Variants in PABPC4L observed in about 807,000 individuals in gnomAD.
PABPC4L encodes polyadenylate-binding protein 4-like.
For synonymous variants in PABPC4L, 169 were observed against 164.1 expected (o/e 1.03, Z -0.23); for missense variants, 452 against 451.4 (o/e 1.00, Z -0.01).
chr4:134,178,857 T>G, the PABPC4L span, among the ~76,000 whole-genome samples: 2 of 151,810 alleles, frequency 1.3e-5, no homozygotes, highest in African/African-American at 4.8e-5. Flanking sequence ...GAAAAAACAA[T>G]AAAGACTGAA....
At chr4:133,992,116 A>G in the PABPC4L span, among the ~76,000 whole-genome samples, 252 of 152,268 alleles carry the variant, frequency 1.7e-3, 1 homozygote, top group African/African-American at 5.1e-3. Context: ...CCATCCCCCC[A>G]TTGGCCCAAA....
rs1460783631 is a variant in PABPC4L at position 134,198,201 on chromosome 4, A to T, written c.*1706T>A. The stretch of plus-strand genomic sequence containing the variant: ...ATTGTTTAAGAAAGCAATTTCAAAC[A>T]ACATTTGTAATATTATCCTATTTTT... On this transcript the variant is annotated 3_prime_UTR_variant, in exon 2 of 2. Transcript: ENST00000421491. 6.6e-6 allele frequency: 1 copy of T among 151,756 alleles called. No individual in the cohort carries two copies. Among genetic ancestry groups the T allele is most frequent in the African/African-American group, 2.4e-5 (1 of 41,448 alleles). 9.4% of individuals were successfully genotyped at this position (151,756 alleles called of 1,614,324 possible). A position where few individuals can be genotyped will look rare whatever the true frequency, so the allele number is the denominator to read the frequency against.
chr4:134,182,995 T>C, the PABPC4L span, among the ~76,000 whole-genome samples: 56 of 152,170 alleles, frequency 3.7e-4, no homozygotes, highest in Non-Finnish European at 7.7e-4. Context: ...GGAACACTTA[T>C]GCACTGCTTG....
At chr4:134,189,193 C>A in the PABPC4L span, among the ~76,000 whole-genome samples, 361 of 152,110 alleles carry the variant, frequency 2.4e-3, 1 homozygote, top group African/African-American at 8.2e-3. Flanking sequence ...TCTATTCTTG[C>A]ATATTGTCTA....
chr4:134,177,290 C>T, the PABPC4L span, among the ~76,000 whole-genome samples: 1 of 150,148 alleles, frequency 6.7e-6, no homozygotes, highest in Non-Finnish European at 1.5e-5. Flanking sequence ...AATTCTCCTG[C>T]TTTGGCCTCC....
the PABPC4L span, among the ~76,000 whole-genome samples, chr4:134,003,705 T>C: frequency 1.3e-5 from 2 of 151,944 alleles, no homozygotes; most frequent in South Asian, 2.1e-4. Flanking sequence ...GTTGAACCAA[T>C]TATACTTGTA....
chr4:133,955,389 T>C, the PABPC4L span, among the ~76,000 whole-genome samples: 1 of 152,122 alleles, frequency 6.6e-6, no homozygotes, highest in African/African-American at 2.4e-5. Flanking sequence ...GATCTTAAAA[T>C]TTTCAACTAT....
chr4:133,953,186 G>A, the PABPC4L span, among the ~76,000 whole-genome samples: 2 of 151,970 alleles, frequency 1.3e-5, no homozygotes, highest in Non-Finnish European at 1.5e-5. Context: ...TTCCAAATTT[G>A]TAACATCCAC....
At chr4:134,027,483 T>A in the PABPC4L span, among the ~76,000 whole-genome samples, 6 of 152,296 alleles carry the variant, frequency 3.9e-5, no homozygotes, top group Middle Eastern at 3.4e-3. Context: ...TCATTTTTTG[T>A]TGGACATTAG....
chr4:134,144,793 A>G, the PABPC4L span, among the ~76,000 whole-genome samples: 2 of 151,732 alleles, frequency 1.3e-5, no homozygotes, highest in Non-Finnish European at 3.0e-5. Flanking sequence ...TTACGTTAAA[A>G]TTATTTTTAA....
rs1364847982 is a variant in PABPC4L at position 134,197,458 on chromosome 4, G to A, written c.*2449C>T. The A allele has an allele frequency of 2.0e-5, 3 of 151,584 alleles. No individual in the cohort carries two copies. The highest frequency in any genetic ancestry group is 7.2e-5 in the African/African-American group (3 of 41,384). The allele number at this position is 151,584 out of a possible 1,614,324, so 9.4% of individuals were successfully genotyped here. On this transcript the variant is annotated 3_prime_UTR_variant, in exon 2 of 2. Transcript: ENST00000421491. ...AAGTGTTCAAAATATTTTGAAGCATGACATCAAAGCCATTTCAGTAGAATA... is the reference window on the plus strand; with the variant it reads ...AAGTGTTCAAAATATTTTGAAGCATAACATCAAAGCCATTTCAGTAGAATA...
the PABPC4L span, among the ~76,000 whole-genome samples, chr4:134,078,318 CG>C: frequency 6.6e-6 from 1 of 152,210 alleles, no homozygotes; most frequent in Admixed American, 6.5e-5. Context: ...AAATAACAGA[CG>C]TGGGCTGCTT....
the PABPC4L span, among the ~76,000 whole-genome samples, chr4:134,075,148 G>A: frequency 1.3e-5 from 2 of 152,156 alleles, no homozygotes; most frequent in African/African-American, 4.8e-5. Context: ...TCAAATACAG[G>A]AGAAGTTCAG....
the PABPC4L span, among the ~76,000 whole-genome samples, chr4:134,141,371 A>C: frequency 1.3e-5 from 2 of 151,446 alleles, no homozygotes; most frequent in Non-Finnish European, 3.0e-5. Context: ...CTTGGATAAA[A>C]ATGAAAAAAA....
At chr4:134,031,055 A>G in the PABPC4L span, among the ~76,000 whole-genome samples, 22,668 of 152,048 alleles carry the variant, frequency 0.15, 2,000 homozygotes, top group Non-Finnish European at 0.19. Flanking sequence ...CCAGCTCTAA[A>G]TGGTTGCTTA....
the PABPC4L span, among the ~76,000 whole-genome samples, chr4:134,163,571 C>T: frequency 6.6e-6 from 1 of 152,084 alleles, no homozygotes; most frequent in African/African-American, 2.4e-5. Context: ...AGACCAATAT[C>T]CCTGATGAAC....
At chr4:134,105,313 A>C in the PABPC4L span, among the ~76,000 whole-genome samples, 1 of 151,888 alleles carries the variant, frequency 6.6e-6, no homozygotes, top group Non-Finnish European at 1.5e-5. Flanking sequence ...ATAGCCCAAT[A>C]TTTGGAATTC....
the PABPC4L span, among the ~76,000 whole-genome samples, chr4:133,970,097 ATATT>A: frequency 6.8e-6 from 1 of 147,632 alleles, no homozygotes; most frequent in Non-Finnish European, 1.5e-5. Flanking sequence ...TAAAAAATAT[ATATT>A]TATTTATATA....
At chr4:134,079,604 A>C in the PABPC4L span, among the ~76,000 whole-genome samples, 2 of 116,724 alleles carry the variant, frequency 1.7e-5, no homozygotes, top group African/African-American at 3.3e-5. Context: ...AAAAAAAAAA[A>C]AAAAAAACTG....
Sources: gnomAD v4.1 joint callset for allele counts (sites outside exome capture counted in the v4.1 genomes callset) on GRCh38, gnomAD v4.1.1 for gene constraint, MANE v1.5 for transcripts, NCBI Gene and HGNC (gene_info 2026-07-23, HGNC 2026-07-21) for gene names.